The following ZNF808 variants were observed in gnomAD, a reference collection of about 807,000 sequenced individuals.
The protein encoded by ZNF808 is zinc finger protein 808.
Under a neutral mutation model 8.7 loss-of-function variants are expected in ZNF808, and 5 were observed. The ratio of observed to expected loss-of-function variants is 0.58; its 90% CI spans 0.30 to 1.21. The LOEUF (loss-of-function observed/expected upper bound fraction) is 1.21, where lower values mean the gene tolerates loss of function less well. ZNF808 is among the 50% of genes most tolerant of loss of function. The probability of loss-of-function intolerance (pLI) is 0.07; values close to 1 mark genes in which losing one functional copy is unlikely to be tolerated. For missense variants in ZNF808, 1,103 were observed against 1,098.4 expected (o/e 1.00, Z -0.06); for synonymous variants, 380 against 366.0 (o/e 1.04, Z -0.44).
chr19:52,533,534 T>C (rs1392468271), intron 2 of ZNF808, among the ~76,000 whole-genome samples: 2 of 151,548 alleles, frequency 1.3e-5, no homozygotes, highest in Non-Finnish European at 2.9e-5. Context: ...CCCAGGGATG[T>C]ATTTCTGAAG....
At chr19:52,540,066 T>G (rs2059655966) in intron 2 of ZNF808, among the ~76,000 whole-genome samples, 1 of 151,748 alleles carries the variant, frequency 6.6e-6, no homozygotes. Context: ...CTCTGGAGTC[T>G]AGTGGCACGA....
At chr19:52,561,447 T>A (rs958541226) in intron 3 of ZNF808, among the ~76,000 whole-genome samples, 6 of 152,034 alleles carry the variant, frequency 3.9e-5, no homozygotes, top group Non-Finnish European at 8.8e-5. Flanking sequence ...AGGCCCATGA[T>A]CAAGTTTGTC....
intron 3 of ZNF808, 32 bp from the exon 4 acceptor site, chr19:52,547,480 A>T: frequency 6.2e-7 from 1 of 1,612,828 alleles, no homozygotes; most frequent in Non-Finnish European, 8.5e-7. Flanking sequence ...AATCCTCCAT[A>T]ATGTTTTGTT....
At position 52,554,011 on chromosome 19, in the gene ZNF808, T is replaced by C. The variant is rs1328880722; in HGVS notation, c.1095T>C (p.His365=). The C allele has an allele frequency of 6.2e-7, 1 of 1,614,144 alleles. No individual in the cohort carries two copies. The highest frequency in any genetic ancestry group is 8.5e-7 in the Non-Finnish European group (1 of 1,180,020). ...ACCTTTCACGCCATCAAAGACTTCA[T>C]ACTGGAGTGAAACCTTACAAATGTA... The part of the protein sequence containing the change: ...QSHLSRHQRL[H]TGVKPYKCKI... Residue 365 remains histidine (H), a synonymous_variant, in exon 5 of 5, where the codon CAT becomes CAC. Transcript: ENST00000359798.
At chr19:52,550,525 C>T (rs1198652622) in intron 4 of ZNF808, among the ~76,000 whole-genome samples, 5 of 135,260 alleles carry the variant, frequency 3.7e-5, no homozygotes, top group South Asian at 4.7e-4. Flanking sequence ...CCACTGTGTC[C>T]GGGCTATTTT....
chr19:52,535,281 A>G (rs991348450), intron 2 of ZNF808, among the ~76,000 whole-genome samples: 2 of 148,442 alleles, frequency 1.3e-5, no homozygotes, highest in Non-Finnish European at 3.0e-5. Context: ...CAGTGAGCCA[A>G]AATCGTGCCA....
chr19:52,539,443 C>A (rs1337173344), intron 2 of ZNF808, among the ~76,000 whole-genome samples: 2 of 151,708 alleles, frequency 1.3e-5, no homozygotes, highest in Non-Finnish European at 2.9e-5. Context: ...ACCGCCTTGG[C>A]CTCCCAAAGT....
At chr19:52,537,878 G>T (rs1488631657) in intron 2 of ZNF808, among the ~76,000 whole-genome samples, 3 of 152,094 alleles carry the variant, frequency 2.0e-5, no homozygotes, top group Non-Finnish European at 4.4e-5. Flanking sequence ...TGGTATCAGA[G>T]GTTAGCTTCC....
chr19:52,561,158 T>TTCTTTCTC (rs1320869032), downstream of ZNF808, among the ~76,000 whole-genome samples: 1 of 52,692 alleles, frequency 1.9e-5, no homozygotes, highest in Admixed American at 2.6e-4. Context: ...CTTCTATCTG[T>TTCTTTCTC]TCTCTCTCTC....
chr19:52,527,721 G>T lies in ZNF808; in HGVS notation c.-122+10G>T, dbSNP rs1303859282. 1 of 155,162 alleles carries T rather than the reference G, an allele frequency of 6.4e-6. No homozygotes were observed. The highest frequency in any genetic ancestry group is 2.4e-5 in the African/African-American group (1 of 41,446). The allele number at this position is 155,162 out of a possible 1,614,324, so 9.6% of individuals were successfully genotyped here. On this transcript the variant is annotated intron_variant, in intron 1 of 4. Transcript: ENST00000359798. ...AGGTCACGTCGCCATGGTGAGTTTT[G>T]CTCTGTGTTGCATTAAGTCTCCGCT...
intron 2 of ZNF808, among the ~76,000 whole-genome samples, chr19:52,540,262 G>A (rs1009108154): frequency 2.6e-5 from 4 of 151,758 alleles, no homozygotes; most frequent in Admixed American, 1.3e-4. Flanking sequence ...TTCCTGCCCC[G>A]GCCTCCCAAA....
rs1333789699 is a variant in ZNF808 at position 52,555,144 on chromosome 19, C to T, written c.2228C>T (p.Thr743Met). Residue 743 changes from threonine (T) to methionine (M), a missense_variant, in exon 5 of 5, where the codon ACG becomes ATG. Transcript: ENST00000359798. ...KPYKCSECSKTFSQKATLLCH... is the reference protein window; with the variant it reads ...KPYKCSECSKMFSQKATLLCH... ...TACAAGTGTAGTGAGTGCAGCAAGA[C>T]GTTCAGTCAGAAGGCAACCCTTCTA... 20 of 1,613,504 alleles carry T rather than the reference C, an allele frequency of 1.2e-5. No individual in the cohort carries two copies. The highest frequency in any genetic ancestry group is 5.3e-5 in the African/African-American group (4 of 74,892).
downstream of ZNF808, among the ~76,000 whole-genome samples, chr19:52,557,263 C>G (rs377077803): frequency 1.9e-4 from 29 of 151,190 alleles, no homozygotes; most frequent in African/African-American, 6.3e-4. Context: ...GCCACCGTGC[C>G]CCGCCTCTTT....
At chr19:52,566,732 G>C (rs1444162151), downstream of ZNF808, among the ~76,000 whole-genome samples, 1 of 152,094 alleles carries the variant, frequency 6.6e-6, no homozygotes, top group Non-Finnish European at 1.5e-5. Flanking sequence ...GGGTGACAAA[G>C]TTCAAGTCCA....
chr19:52,560,252 G>A (rs1371994549), downstream of ZNF808, among the ~76,000 whole-genome samples: 1 of 151,910 alleles, frequency 6.6e-6, no homozygotes, highest in Non-Finnish European at 1.5e-5. Flanking sequence ...CTTGAACCTG[G>A]GTGGAAGAAG....
chr19:52,548,378 A>G (rs1361726835), intron 4 of ZNF808, among the ~76,000 whole-genome samples: 2 of 152,156 alleles, frequency 1.3e-5, no homozygotes, highest in African/African-American at 2.4e-5. Context: ...GTTTAGTTCT[A>G]CTGTCATTTC....
intron 3 of ZNF808, among the ~76,000 whole-genome samples, chr19:52,562,780 T>G (rs1173953286): frequency 1.5e-5 from 1 of 67,328 alleles, no homozygotes; most frequent in Non-Finnish European, 3.2e-5. Context: ...TAGTCAATTC[T>G]TTTTTTTTTT....
At chr19:52,539,849 G>A (rs1359940270) in intron 2 of ZNF808, among the ~76,000 whole-genome samples, 2 of 151,694 alleles carry the variant, frequency 1.3e-5, no homozygotes, top group African/African-American at 2.4e-5. Context: ...CGCTGCGCCC[G>A]GCCTTTGTTA....
intron 2 of ZNF808, among the ~76,000 whole-genome samples, chr19:52,540,137 G>A (rs76643657): frequency 1.3e-5 from 2 of 152,122 alleles, no homozygotes; most frequent in African/African-American, 4.8e-5. Flanking sequence ...TCAGCCTCCT[G>A]AGTAGCTGGA....
Sources: gnomAD v4.1 joint callset for allele counts (sites outside exome capture counted in the v4.1 genomes callset) on GRCh38, gnomAD v4.1.1 for gene constraint, MANE v1.5 for transcripts, NCBI Gene and HGNC (gene_info 2026-07-23, HGNC 2026-07-21) for gene names.